SEC24A: variants seen among roughly 807,000 people sequenced by gnomAD.
The protein encoded by SEC24A is protein transport protein Sec24A.
SEC24A carries 93 observed loss-of-function variants against 129.4 expected under a neutral mutation model. The observed-to-expected ratio is 0.72, with a 90% confidence interval of 0.61 to 0.85. The LOEUF is 0.85. Ranked by LOEUF, SEC24A falls within the 40% of genes least tolerant of loss-of-function variation. The pLI is 0.00. For missense variants in SEC24A, 1,264 were observed against 1,307.4 expected (o/e 0.97, Z 0.51); for synonymous variants, 460 against 467.3 (o/e 0.98, Z 0.20).
chr5:134,723,541 T>C, intron 21 of SEC24A, 26 bp from the exon 22 acceptor site: 1 of 1,313,602 alleles, frequency 7.6e-7, no homozygotes. Flanking sequence ...TTAAAGTAAT[T>C]GGATATTGTT....
intron 2 of SEC24A, among the ~76,000 whole-genome samples, chr5:134,665,443 G>C (rs1374237348): frequency 6.7e-6 from 1 of 149,804 alleles, no homozygotes; most frequent in Non-Finnish European, 1.5e-5. Flanking sequence ...GGACAAGAGT[G>C]AGACTTCGTC....
At chr5:134,709,783 A>ATTTT (rs1752266293) in intron 18 of SEC24A, among the ~76,000 whole-genome samples, 1 of 152,134 alleles carries the variant, frequency 6.6e-6, no homozygotes, top group African/African-American at 2.4e-5. Context: ...TATAATTAGA[A>ATTTT]TTTTTCACCA....
At chr5:134,669,780 G>GA (rs772835796) in intron 3 of SEC24A, among the ~76,000 whole-genome samples, 44 of 148,318 alleles carry the variant, frequency 3.0e-4, no homozygotes, top group East Asian at 1.2e-3. Flanking sequence ...CCCGGCCCCA[G>GA]AAAAAAAAAA....
intron 20 of SEC24A, 22 bp from the exon 21 acceptor site, chr5:134,720,976 A>G (rs766954526): frequency 1.4e-5 from 20 of 1,435,860 alleles, no homozygotes; most frequent in Non-Finnish European, 1.9e-5. Context: ...GCATCTCAAA[A>G]TAATTTTATT....
chr5:134,713,768 C>T (rs1323799757), intron 18 of SEC24A, among the ~76,000 whole-genome samples: 8 of 151,438 alleles, frequency 5.3e-5, no homozygotes, highest in African/African-American at 9.7e-5. Context: ...CGGTGGCTCA[C>T]GCCTGTAATC....
intron 18 of SEC24A, 81 bp from the exon 19 acceptor site, chr5:134,714,938 ATTCTT>A: frequency 1.5e-6 from 2 of 1,339,132 alleles, no homozygotes; most frequent in Non-Finnish European, 2.1e-6. Flanking sequence ...CTCTGAAAAT[ATTCTT>A]TTAACAACTG....
chr5:134,691,728 G>T (rs111637725), intron 11 of SEC24A, among the ~76,000 whole-genome samples: 2,022 of 151,232 alleles, frequency 0.013, 18 homozygotes, highest in Middle Eastern at 0.041. Context: ...CTTGTGATCC[G>T]CCCGCGTCGG....
At chr5:134,668,252 C>G (rs926270096) in intron 3 of SEC24A, among the ~76,000 whole-genome samples, 2 of 152,152 alleles carry the variant, frequency 1.3e-5, no homozygotes, top group Non-Finnish European at 2.9e-5. Flanking sequence ...TTTCTTCTAG[C>G]ATTACATTAA....
intron 13 of SEC24A, among the ~76,000 whole-genome samples, chr5:134,694,240 A>C (rs543571822): frequency 9.2e-5 from 14 of 152,082 alleles, no homozygotes; most frequent in Non-Finnish European, 1.9e-4. Context: ...GAATAGTCTT[A>C]TTTGGCTGGG....
intron 13 of SEC24A, among the ~76,000 whole-genome samples, chr5:134,694,743 T>C (rs1470634422): frequency 6.9e-6 from 1 of 145,202 alleles, no homozygotes; most frequent in Non-Finnish European, 1.5e-5. Context: ...TGCTTGAACC[T>C]GGGAGGCGGA....
intron 1 of SEC24A, among the ~76,000 whole-genome samples, chr5:134,659,022 C>G (rs1750346098): frequency 6.6e-6 from 1 of 151,344 alleles, no homozygotes; most frequent in Non-Finnish European, 1.5e-5. Flanking sequence ...ATTCTGGACC[C>G]CTTCACAATC....
chr5:134,703,764 T>G lies in SEC24A; in HGVS notation c.2272T>G (p.Ser758Ala), dbSNP rs780788968. Residue 758 changes from serine to alanine, a missense_variant, in exon 16 of 23, where the codon TCC becomes GCC. Transcript: ENST00000398844. Reference sequence around the variant, plus strand: ...GTTACCTTTTTCTCTTCTAGGTCTTTCCATTCATACTTTCCATGGAAACTT... The same window carrying G: ...GTTACCTTTTTCTCTTCTAGGTCTTGCCATTCATACTTTCCATGGAAACTT... ...VMRIRCTKGL[S>A]IHTFHGNFFV... The G allele has an allele frequency of 6.2e-7, 1 of 1,607,814 alleles. No individual in the cohort carries two copies. Among genetic ancestry groups the G allele is most frequent in the Admixed American group, 1.7e-5 (1 of 59,840 alleles).
At chr5:134,657,784 C>G (rs943670346) in intron 1 of SEC24A, among the ~76,000 whole-genome samples, 1 of 151,968 alleles carries the variant, frequency 6.6e-6, no homozygotes, top group Non-Finnish European at 1.5e-5. Context: ...ACTATATTAC[C>G]CAGGTTATTC....
chr5:134,697,276 C>A, intron 14 of SEC24A, 30 bp downstream of exon 14: 2 of 1,543,972 alleles, frequency 1.3e-6, no homozygotes, highest in Non-Finnish European at 1.8e-6. Flanking sequence ...TTTTTTTTTC[C>A]GTTAAATGAA....
Position 134,676,084 on chromosome 5 carries a change from C to G in SEC24A, c.1213C>G (p.Leu405Val), listed in dbSNP as rs771447178. ...QTQALLNKAK[L>V]PLGLLLHPFK... ...GCAGGCCTTATTGAATAAAGCCAAA[C>G]TTCCTTTGGGGCTGCTGCTTCATCC... is the stretch of plus-strand genomic sequence containing the variant. The change falls in exon 7 of 23, where the codon CTT becomes GTT. Residue 405 changes from leucine (L) to valine (V), a missense_variant. Leu to Val is a conservative substitution (Grantham distance 32). Coordinates refer to ENST00000398844, the MANE Select transcript of SEC24A (RefSeq NM_021982.3). 3 of 1,613,056 alleles carry G rather than the reference C, an allele frequency of 1.9e-6. No homozygotes were observed. Among genetic ancestry groups the G allele is most frequent in the Non-Finnish European group, 2.5e-6 (3 of 1,179,542 alleles).
chr5:134,661,675 C>T (rs1580683265), intron 2 of SEC24A, 89 bp downstream of exon 2: 2 of 1,010,666 alleles, frequency 2.0e-6, no homozygotes, highest in Non-Finnish European at 2.8e-6. Flanking sequence ...ACCTGAAAAC[C>T]ATATGGAAAA....
chr5:134,671,322 A>C lies in SEC24A; in HGVS notation c.740-487A>C, dbSNP rs530377024. Among the ~76,000 whole-genome samples, 3 of 152,254 alleles carry C rather than the reference A, an allele frequency of 2.0e-5. No homozygotes were observed. In the East Asian group the frequency reaches 5.8e-4, roughly 30 times the overall value. On this transcript the variant is annotated intron_variant, in intron 3 of 22. Transcript: ENST00000398844. ...TGATCCGCCCGCCTTGGCCTCCCAAAGTGCTGGGATTACAGGCGTGAGCCA... is the reference window on the plus strand; with the variant it reads ...TGATCCGCCCGCCTTGGCCTCCCAACGTGCTGGGATTACAGGCGTGAGCCA...
At chr5:134,679,417 G>T (rs978294728) in intron 7 of SEC24A, among the ~76,000 whole-genome samples, 185 bp from the exon 8 acceptor site, 3 of 152,000 alleles carry the variant, frequency 2.0e-5, no homozygotes, top group Non-Finnish European at 2.9e-5. Context: ...AAATAGTAGG[G>T]TTTAAAATTA....
Position 134,661,439 on chromosome 5 carries a change from T to C in SEC24A, c.418T>C (p.Tyr140His), listed in dbSNP as rs935596123. Reference protein sequence around the residue: ...ANLPPPLNWQYNYPSTASQTN... With the variant: ...ANLPPPLNWQHNYPSTASQTN... The stretch of plus-strand genomic sequence containing the variant: ...CCTGCCACCACCTTTGAATTGGCAA[T>C]ATAACTATCCATCCACAGCCTCACA... Residue 140 changes from tyrosine (Y) to histidine (H), a missense_variant, in exon 2 of 23, where the codon TAT becomes CAT. Tyr to His is a moderately conservative substitution (Grantham distance 83). Coordinates refer to ENST00000398844, the MANE Select transcript of SEC24A (RefSeq NM_021982.3). The C allele has an allele frequency of 1.9e-6, 3 of 1,614,208 alleles. No individual in the cohort carries two copies. The highest frequency in any genetic ancestry group is 2.2e-5 in the East Asian group (1 of 44,886).
Sources: gnomAD v4.1 joint callset for allele counts (sites outside exome capture counted in the v4.1 genomes callset) on GRCh38, gnomAD v4.1.1 for gene constraint, MANE v1.5 for transcripts, NCBI Gene and HGNC (gene_info 2026-07-23, HGNC 2026-07-21) for gene names.